SERPINA9: variants seen among roughly 807,000 people sequenced by gnomAD.
SERPINA9 encodes the protein serpin A9.
SERPINA9 carries 32 observed loss-of-function variants against 24.5 expected under a neutral mutation model. The observed-to-expected ratio is 1.30, with a 90% confidence interval of 0.98 to 1.75. The LOEUF is 1.75. Among genes scored for constraint, SERPINA9 ranks in the 40% most tolerant of loss-of-function variants. The probability of loss-of-function intolerance (pLI) is 0.00; values close to 1 mark genes in which losing one functional copy is unlikely to be tolerated. For missense variants in SERPINA9, 594 were observed against 497.1 expected, an observed-to-expected ratio of 1.19 and a Z score of -1.85; for synonymous variants, 233 against 197.7, an observed-to-expected ratio of 1.18 and a Z score of -1.50.
At chr14:94,468,373 A>AAGGGAGGGAGGAAGGAAGGGAAGGAG (rs1899120798) in intron 2 of SERPINA9, among the ~76,000 whole-genome samples, 1 of 151,964 alleles carries the variant, frequency 6.6e-6, no homozygotes, top group African/African-American at 2.4e-5. Flanking sequence ...CATGTGGATG[A>AAGGGAGGGAGGAAGGAAGGGAAGGAG]AGGGAGGGAG....
intron 1 of SERPINA9, among the ~76,000 whole-genome samples, chr14:94,471,854 G>A (rs550696657): frequency 4.3e-4 from 66 of 151,986 alleles, no homozygotes; most frequent in Non-Finnish European, 6.9e-4. Flanking sequence ...CTTCCTCCCC[G>A]AGACATCGCA....
At chr14:94,464,303 C>A (rs1432496161) in intron 4 of SERPINA9, 1 of 191,760 alleles carries the variant, frequency 5.2e-6, no homozygotes, top group Admixed American at 6.2e-5. Flanking sequence ...CTCTCTCTCT[C>A]TCTCTCTCTC....
chr14:94,469,788 A>G lies in SERPINA9; in HGVS notation c.53T>C (p.Ile18Thr), dbSNP rs1595669184. Residue 18 changes from isoleucine (I) to threonine (T), a missense_variant, in exon 2 of 5, where the codon ATC (isoleucine) becomes ACC (threonine). Coordinates refer to ENST00000674397, the MANE Select transcript of SERPINA9 (RefSeq NM_175739.4). Reference protein sequence around the residue: ...VLFAVGLCAPIYCVSPANAPS... With the variant: ...VLFAVGLCAPTYCVSPANAPS... Reference sequence around the variant, plus strand: ...GGCATTGGCCGGGGACACACAGTAGATTGGAGCACAGAGGCCAACAGCAAA... The same window carrying G: ...GGCATTGGCCGGGGACACACAGTAGGTTGGAGCACAGAGGCCAACAGCAAA... The G allele has an allele frequency of 1.3e-6, 2 of 1,534,086 alleles. No individual in the cohort carries two copies. The highest frequency in any genetic ancestry group is 1.8e-6 in the Non-Finnish European group (2 of 1,141,232).
In SERPINA9 at chr14:94,464,605, CT is replaced by C. The variant is rs1898905399; in HGVS notation, c.1050+101del. On this transcript the variant is annotated intron_variant, in intron 4 of 4. Coordinates refer to ENST00000674397, the MANE Select transcript of SERPINA9 (RefSeq NM_175739.4). ...TGGCCGCAGAAGACCCTGACTTCACCTTTCAGGCCTCTGTTTCCTTATCAAC... is the reference window on the plus strand; with the variant it reads ...TGGCCGCAGAAGACCCTGACTTCACCTTCAGGCCTCTGTTTCCTTATCAAC... 3 of 1,024,812 alleles carry C rather than the reference CT, an allele frequency of 2.9e-6. No homozygotes were observed. In the South Asian group the frequency reaches 4.8e-5, roughly 16 times the overall value. The allele number at this position is 1,024,812 out of a possible 1,614,324, so 63.5% of individuals were successfully genotyped here. A position where few individuals can be genotyped will look rare whatever the true frequency, so the allele number is the denominator to read the frequency against.
intron 1 of SERPINA9, chr14:94,470,116 T>C (rs556077015): frequency 2.0e-6 from 2 of 1,018,124 alleles, no homozygotes; most frequent in Non-Finnish European, 2.5e-6. Context: ...CTTGTCTGTG[T>C]TCTGTGTGGG....
At chr14:94,474,245 G>T (rs1267931806) in intron 1 of SERPINA9, among the ~76,000 whole-genome samples, 3 of 152,190 alleles carry the variant, frequency 2.0e-5, no homozygotes, top group African/African-American at 4.8e-5. Flanking sequence ...ACGCTGGGTT[G>T]TGCCTCCTAA....
intron 2 of SERPINA9, among the ~76,000 whole-genome samples, chr14:94,468,623 T>C (rs1435730564): frequency 3.3e-5 from 5 of 152,226 alleles, no homozygotes; most frequent in African/African-American, 1.2e-4. Context: ...GAAATTCAAA[T>C]TCAAGTTGTT....
At chr14:94,464,909 T>TAGGAGCAGAGATG in intron 3 of SERPINA9, 55 bp from the exon 4 acceptor site, 5 of 1,488,944 alleles carry the variant, frequency 3.4e-6, no homozygotes, top group Non-Finnish European at 4.6e-6. Context: ...TGTCTGCATC[T>TAGGAGCAGAGATG]CTGCTCCTAG....
rs1555374545 is a variant in SERPINA9 at position 94,464,308 on chromosome 14, T to TCTCTCTCC, written c.1050+398_1050+399insGGAGAGAG. On this transcript the variant is annotated intron_variant, in intron 4 of 4. Coordinates refer to ENST00000674397, the MANE Select transcript of SERPINA9 (RefSeq NM_175739.4). Reference sequence around the variant, plus strand: ...CTCTCTCTCTCTCTCTCTCTCTCTCTCTCTCTCTCTCCTTACACACTGAAG... The same window carrying TCTCTCTCC: ...CTCTCTCTCTCTCTCTCTCTCTCTCTCTCTCTCCCTCTCTCTCTCCTTACACACTGAAG... The TCTCTCTCC allele has an allele frequency of 9.5e-3, 807 of 84,804 alleles. 35 individuals are homozygous for TCTCTCTCC. Among genetic ancestry groups the TCTCTCTCC allele is most frequent in the African/African-American group, 0.026 (663 of 25,854 alleles). 5.3% of individuals were successfully genotyped at this position (84,804 alleles called of 1,614,324 possible).
chr14:94,475,746 G>C (rs541045389), intron 1 of SERPINA9, among the ~76,000 whole-genome samples: 3 of 152,210 alleles, frequency 2.0e-5, no homozygotes, highest in South Asian at 2.1e-4. Context: ...GATCCTTGCT[G>C]TTAGTTTGGA....
At chr14:94,466,077 T>C (rs1181877865) in intron 3 of SERPINA9, among the ~76,000 whole-genome samples, 2 of 152,222 alleles carry the variant, frequency 1.3e-5, no homozygotes, top group Non-Finnish European at 2.9e-5. Flanking sequence ...CTCCATCTGC[T>C]GCTCTGTACT....
At chr14:94,467,941 A>C (rs1181209839) in intron 2 of SERPINA9, among the ~76,000 whole-genome samples, 1 of 150,368 alleles carries the variant, frequency 6.7e-6, no homozygotes, top group Non-Finnish European at 1.5e-5. Flanking sequence ...GGATGGATGG[A>C]TGGATAGATG....
intron 1 of SERPINA9, among the ~76,000 whole-genome samples, chr14:94,472,056 G>A (rs542801180): frequency 1.3e-5 from 2 of 152,286 alleles, no homozygotes; most frequent in Admixed American, 1.3e-4. Context: ...AAGTGTTGGG[G>A]CTACAATGGG....
At chr14:94,475,679 T>C (rs547394608) in intron 1 of SERPINA9, among the ~76,000 whole-genome samples, 1 of 152,180 alleles carries the variant, frequency 6.6e-6, no homozygotes, top group East Asian at 1.9e-4. Context: ...ATCTCTTCTC[T>C]CCATCTCAGG....
intron 1 of SERPINA9, among the ~76,000 whole-genome samples, chr14:94,473,547 A>T (rs1028066275): frequency 2.6e-5 from 4 of 151,026 alleles, no homozygotes; most frequent in African/African-American, 9.7e-5. Context: ...AAAAGCAACA[A>T]CAACAAAAAA....
rs1264043543 is a variant in SERPINA9 at position 94,467,100 on chromosome 14, G to A, written c.902+9C>T. 2 of 1,611,934 alleles carry A rather than the reference G, an allele frequency of 1.2e-6. No individual in the cohort carries two copies. The highest frequency in any genetic ancestry group is 3.3e-5 in the Admixed American group (2 of 59,924). Reference sequence around the variant, plus strand: ...CCTCAGGGCCCAGGAGATTGACACAGATGCCCACCTTTTCTGGAGTGAGTG... The same window carrying A: ...CCTCAGGGCCCAGGAGATTGACACAAATGCCCACCTTTTCTGGAGTGAGTG... On this transcript the variant is annotated intron_variant, in intron 3 of 4. Transcript: ENST00000674397.
At position 94,469,664 on chromosome 14, in the gene SERPINA9, C is replaced by G. The variant is rs1276158339; in HGVS notation, c.177G>C (p.Leu59=). The change falls in exon 2 of 5, where the codon CTG becomes CTC. Residue 59 remains leucine (L), a synonymous_variant. Transcript: ENST00000674397. ...TDFAFRLYRR[L]VLETPSQNIF... ...TGTTCTGACTCGGGGTCTCCAAAAC[C>G]AGCCTGCGGTATAGGCGGAAGGCAA... 1 of 1,614,040 alleles carries G rather than the reference C, an allele frequency of 6.2e-7. No individual in the cohort carries two copies.
At chr14:94,465,470 C>A (rs1219216738) in intron 3 of SERPINA9, among the ~76,000 whole-genome samples, 1 of 152,186 alleles carries the variant, frequency 6.6e-6, no homozygotes, top group Non-Finnish European at 1.5e-5. Context: ...TAATTTAGCA[C>A]AATATTTTTT....
intron 1 of SERPINA9, among the ~76,000 whole-genome samples, chr14:94,470,865 C>A (rs185646488): frequency 2.0e-5 from 3 of 152,186 alleles, no homozygotes; most frequent in Non-Finnish European, 2.9e-5. Flanking sequence ...AGAAAGATTT[C>A]ATTTCCTTTA....
Sources: gnomAD v4.1 joint callset for allele counts (sites outside exome capture counted in the v4.1 genomes callset) on GRCh38, gnomAD v4.1.1 for gene constraint, MANE v1.5 for transcripts, NCBI Gene and HGNC (gene_info 2026-07-23, HGNC 2026-07-21) for gene names.